FAM178B: variants seen among roughly 807,000 people sequenced by gnomAD.
FAM178B encodes protein FAM178B.
Under a neutral mutation model 91.7 loss-of-function variants are expected in FAM178B, and 82 were observed. That is an observed-to-expected ratio of 0.89 (90% CI 0.75 to 1.07). The LOEUF is 1.07. Ranked by LOEUF, FAM178B falls within the 50% of genes least tolerant of loss-of-function variation. FAM178B has a pLI of 0.00. For synonymous variants in FAM178B, 368 were observed against 359.4 expected (o/e 1.02, Z -0.27); for missense variants, 769 against 846.7 (o/e 0.91, Z 1.14).
chr2:96,898,190 G>A, intron 13 of FAM178B: 1 of 891,852 alleles, frequency 1.1e-6, no homozygotes, highest in African/African-American at 1.8e-5. Context: ...GCACTGATGA[G>A]GAAAGGGAGG....
intron 14 of FAM178B, among the ~76,000 whole-genome samples, chr2:96,878,703 C>A (rs2080306664): frequency 6.6e-6 from 1 of 152,176 alleles, no homozygotes; most frequent in South Asian, 2.1e-4. Context: ...GGAGCTGTGA[C>A]TCCCTAGCAG....
At chr2:96,978,974 CTTTTTTTTTT>C (rs559416706) in intron 1 of FAM178B, among the ~76,000 whole-genome samples, 8 of 56,808 alleles carry the variant, frequency 1.4e-4, no homozygotes, top group Admixed American at 1.4e-3. Context: ...GTATGTATCA[CTTTTTTTTTT>C]TTTTTTTTTT....
chr2:96,877,075 G>T (rs769695962), intron 16 of FAM178B, among the ~76,000 whole-genome samples: 8 of 152,146 alleles, frequency 5.3e-5, no homozygotes, highest in African/African-American at 9.7e-5. Context: ...GCCTCATGGG[G>T]GTTGTGTGGG....
chr2:96,889,946 C>G (rs2080629095), intron 14 of FAM178B, among the ~76,000 whole-genome samples: 1 of 147,056 alleles, frequency 6.8e-6, no homozygotes. Flanking sequence ...TGTGACCAGC[C>G]TGGGCAACGT....
Position 96,897,875 on chromosome 2 carries a change from C to T in FAM178B, c.1651-3824G>A, listed in dbSNP as rs568549381. The T allele has an allele frequency of 2.0e-5, 17 of 831,172 alleles. No individual in the cohort carries two copies. In the South Asian group the frequency reaches 4.5e-4, roughly 22 times the overall value. The allele number at this position is 831,172 out of a possible 1,614,324, so 51.5% of individuals were successfully genotyped here. A position where few individuals can be genotyped will look rare whatever the true frequency, so the allele number is the denominator to read the frequency against. On this transcript the variant is annotated intron_variant, in intron 13 of 16. Coordinates refer to ENST00000490605, the MANE Select transcript of FAM178B (RefSeq NM_001122646.3). Reference sequence around the variant, plus strand: ...TCTGCGCAGAAGTCAAAACCCTCACCGTAGCCTTGAGGCTCTGGCTAACTG... The same window carrying T: ...TCTGCGCAGAAGTCAAAACCCTCACTGTAGCCTTGAGGCTCTGGCTAACTG...
intron 14 of FAM178B, among the ~76,000 whole-genome samples, chr2:96,883,811 G>C (rs190591261): frequency 3.9e-5 from 6 of 152,308 alleles, no homozygotes; most frequent in Non-Finnish European, 5.9e-5. Flanking sequence ...CAGGAGCCAG[G>C]GGGGGTCCTC....
intron 8 of FAM178B, among the ~76,000 whole-genome samples, chr2:96,931,773 C>G (rs892992039): frequency 6.6e-6 from 1 of 152,044 alleles, no homozygotes; most frequent in African/African-American, 2.4e-5. Flanking sequence ...CATCGAGTAT[C>G]CCTCTTTGGA....
At position 96,921,534 on chromosome 2, in the gene FAM178B, C is replaced by A; in HGVS notation, c.1408G>T (p.Asp470Tyr). Residue 470 changes from aspartate (D) to tyrosine (Y), a missense_variant, in exon 11 of 17, where the codon GAC (aspartate) becomes TAC (tyrosine). Asp to Tyr is a radical substitution (Grantham distance 160). Transcript: ENST00000490605. Reference sequence around the variant, plus strand: ...AGCAAGAGGAGAAGCTGCTGGAGGTCAACTTTGGGCAGCAGGCGGAGCCCC... The same window carrying A: ...AGCAAGAGGAGAAGCTGCTGGAGGTAAACTTTGGGCAGCAGGCGGAGCCCC... Reference protein sequence around the residue: ...DVGLRLLPKVDLQQLLLLLLE... With the variant: ...DVGLRLLPKVYLQQLLLLLLE... The A allele has an allele frequency of 5.8e-6, 9 of 1,551,696 alleles. No individual in the cohort carries two copies. The highest frequency in any genetic ancestry group is 7.8e-6 in the Non-Finnish European group (9 of 1,147,000).
At chr2:96,907,229 C>T (rs1034383215) in intron 12 of FAM178B, among the ~76,000 whole-genome samples, 3 of 152,166 alleles carry the variant, frequency 2.0e-5, no homozygotes, top group Non-Finnish European at 4.4e-5. Flanking sequence ...TCTTAGTTCC[C>T]ACTGGGACAC....
intron 9 of FAM178B, among the ~76,000 whole-genome samples, chr2:96,924,241 G>C (rs1270735804): frequency 1.3e-5 from 2 of 152,174 alleles, no homozygotes; most frequent in Non-Finnish European, 2.9e-5. Context: ...TTCTCCCTGG[G>C]TCCGTTCGAC....
chr2:96,898,225 G>T, intron 13 of FAM178B: 1 of 673,920 alleles, frequency 1.5e-6, no homozygotes, highest in Non-Finnish European at 1.8e-6. Flanking sequence ...TCCTGTCTGT[G>T]AACCGGGACT....
intron 14 of FAM178B, among the ~76,000 whole-genome samples, chr2:96,890,611 T>G (rs1461615834): frequency 6.6e-6 from 1 of 152,122 alleles, no homozygotes; most frequent in Admixed American, 6.5e-5. Flanking sequence ...TGGTTCTGGG[T>G]TGGTGGGCTC....
intron 1 of FAM178B, among the ~76,000 whole-genome samples, chr2:96,981,901 T>C (rs1253331193): frequency 2.0e-5 from 3 of 151,788 alleles, no homozygotes; most frequent in South Asian, 4.2e-4. Context: ...ACCCTGTCTC[T>C]ACAAAAAAAC....
intron 1 of FAM178B, among the ~76,000 whole-genome samples, chr2:96,977,660 A>G (rs2082308939): frequency 6.6e-6 from 1 of 152,170 alleles, no homozygotes; most frequent in Admixed American, 6.6e-5. Context: ...CTGATGCACC[A>G]AGAAGAATTC....
At chr2:96,976,626 C>T (rs1232548545) in intron 1 of FAM178B, among the ~76,000 whole-genome samples, 1 of 151,700 alleles carries the variant, frequency 6.6e-6, no homozygotes, top group African/African-American at 2.4e-5. Flanking sequence ...GGGCAAATCA[C>T]TTGAGGTCAG....
intron 9 of FAM178B, among the ~76,000 whole-genome samples, chr2:96,926,875 G>T (rs1401229438): frequency 6.6e-6 from 1 of 152,216 alleles, no homozygotes; most frequent in Non-Finnish European, 1.5e-5. Flanking sequence ...GATGTCTGAG[G>T]CCCTCATTTT....
intron 1 of FAM178B, chr2:96,977,838 G>A (rs187293627): frequency 3.7e-5 from 17 of 455,196 alleles, no homozygotes; most frequent in South Asian, 1.1e-4. Context: ...CTACTCCAGC[G>A]TTGACGGTTT....
At chr2:96,950,205 A>G (rs1300655455) in intron 7 of FAM178B, 2 of 981,354 alleles carry the variant, frequency 2.0e-6, no homozygotes, top group Middle Eastern at 5.2e-4. Flanking sequence ...GTGCCTCCCA[A>G]TGCTCGATTG....
At chr2:96,970,031 G>A (rs776613352) in intron 4 of FAM178B, among the ~76,000 whole-genome samples, 11 of 152,176 alleles carry the variant, frequency 7.2e-5, no homozygotes, top group East Asian at 1.9e-4. Context: ...ACACAACAAC[G>A]GGAGAGGACA....
Sources: gnomAD v4.1 joint callset for allele counts (sites outside exome capture counted in the v4.1 genomes callset) on GRCh38, gnomAD v4.1.1 for gene constraint, MANE v1.5 for transcripts, NCBI Gene and HGNC (gene_info 2026-07-23, HGNC 2026-07-21) for gene names.